KANK1: variants seen among roughly 807,000 people sequenced by gnomAD.
KANK1 encodes the protein KN motif and ankyrin repeat domain-containing protein 1.
Under a neutral mutation model 106.2 loss-of-function variants are expected in KANK1, and 109 were observed. That is an observed-to-expected ratio of 1.03 (90% confidence interval 0.88 to 1.20). The LOEUF is 1.20. Among genes scored for constraint, KANK1 ranks in the 50% most tolerant of loss-of-function variants. The pLI is 0.00. For synonymous variants in KANK1, 873 were observed against 652.2 expected, an observed-to-expected ratio of 1.34 and a Z score of -5.16; for missense variants, 2,399 against 1,710.7, an observed-to-expected ratio of 1.40 and a Z score of -7.10.
At chr9:526,644 A>C (rs2059805425) in intron 1 of KANK1, among the ~76,000 whole-genome samples, 1 of 151,858 alleles carries the variant, frequency 6.6e-6, no homozygotes, top group Non-Finnish European at 1.5e-5. Flanking sequence ...GTTGTTCTAC[A>C]AAACCGTCCA....
chr9:538,152 T>G (rs955001993), intron 1 of KANK1, among the ~76,000 whole-genome samples: 2 of 151,290 alleles, frequency 1.3e-5, no homozygotes, highest in African/African-American at 4.9e-5. Context: ...GCTCTGGACT[T>G]CTCTCAGCCC....
intron 1 of KANK1, chr9:540,369 A>G (rs990809047): frequency 1.3e-5 from 2 of 152,226 alleles, no homozygotes; most frequent in Non-Finnish European, 2.9e-5. Context: ...CCATCTTTGC[A>G]TCCCAGGGAT....
At chr9:537,485 T>A (rs1429399066) in intron 1 of KANK1, among the ~76,000 whole-genome samples, 1 of 152,230 alleles carries the variant, frequency 6.6e-6, no homozygotes, top group Non-Finnish European at 1.5e-5. Context: ...GTGTTGCTAA[T>A]GTCTTTGATA....
chr9:736,913 G>A (rs903039447), intron 7 of KANK1, among the ~76,000 whole-genome samples: 1 of 152,090 alleles, frequency 6.6e-6, no homozygotes, highest in Non-Finnish European at 1.5e-5. Flanking sequence ...TTCTTTCACT[G>A]TTCTCAAAAT....
Position 711,324 on chromosome 9 carries a change from T to C in KANK1, c.558T>C (p.Ser186=). 1 of 1,614,082 alleles carries C rather than the reference T, an allele frequency of 6.2e-7. No individual in the cohort carries two copies. Among genetic ancestry groups the C allele is most frequent in the East Asian group, 2.2e-5 (1 of 44,874 alleles). ...PGEFRRPRLA[S]FGGMGTTSSL... ...AGTTCAGAAGGCCCAGGCTGGCCAG[T>C]TTTGGAGGCATGGGCACCACAAGCT... The change falls in exon 3 of 12, where the codon AGT becomes AGC. Residue 186 remains serine (S), a synonymous_variant. Transcript: ENST00000382297.
intron 3 of KANK1, among the ~76,000 whole-genome samples, chr9:718,298 C>CT (rs60145502): frequency 0.018 from 1,369 of 74,120 alleles, 134 homozygotes; most frequent in African/African-American, 0.062. Context: ...CTTGCTGTGT[C>CT]TTTTTTTTTT....
intron 9 of KANK1, 89 bp from the exon 10 acceptor site, chr9:742,116 C>A: frequency 8.9e-7 from 1 of 1,124,220 alleles, no homozygotes; most frequent in Non-Finnish European, 1.3e-6. Flanking sequence ...TCACCACACT[C>A]TTCCCCCTTT....
intron 1 of KANK1, among the ~76,000 whole-genome samples, chr9:635,395 T>C (rs1229057974): frequency 2.0e-5 from 3 of 152,176 alleles, no homozygotes. Context: ...CTTTGGGGCA[T>C]GCCTGCGCTG....
intron 1 of KANK1, among the ~76,000 whole-genome samples, chr9:568,520 C>T (rs1449757127): frequency 6.6e-6 from 1 of 152,098 alleles, no homozygotes; most frequent in Non-Finnish European, 1.5e-5. Flanking sequence ...GCATGATCGT[C>T]ACTCTGTTGC....
At chr9:512,544 C>T (rs1224582380) in intron 1 of KANK1, among the ~76,000 whole-genome samples, 1 of 152,060 alleles carries the variant, frequency 6.6e-6, no homozygotes, top group African/African-American at 2.4e-5. Flanking sequence ...TCCTCCAAGT[C>T]AACACATAAA....
At chr9:609,707 T>C (rs1333983822) in intron 1 of KANK1, among the ~76,000 whole-genome samples, 1 of 152,180 alleles carries the variant, frequency 6.6e-6, no homozygotes, top group Non-Finnish European at 1.5e-5. Flanking sequence ...TGCCTTTTAA[T>C]CTATTGGTAC....
At chr9:724,115 T>C (rs886787277) in intron 3 of KANK1, among the ~76,000 whole-genome samples, 1 of 151,942 alleles carries the variant, frequency 6.6e-6, no homozygotes, top group African/African-American at 2.4e-5. Flanking sequence ...AAAAAGACTA[T>C]TGGAGAAATT....
At chr9:709,728 G>C (rs1393585183) in intron 2 of KANK1, among the ~76,000 whole-genome samples, 3 of 151,124 alleles carry the variant, frequency 2.0e-5, no homozygotes, top group Non-Finnish European at 4.4e-5. Flanking sequence ...CAATTCTCCT[G>C]CCTCAGCCTC....
At chr9:527,873 G>T (rs1587525838) in intron 1 of KANK1, among the ~76,000 whole-genome samples, 1 of 149,236 alleles carries the variant, frequency 6.7e-6, no homozygotes, top group African/African-American at 2.5e-5. Context: ...TAGGGGCGGG[G>T]CGCGATGGCT....
rs1041843426 is a variant in KANK1 at position 729,212 on chromosome 9, G to A, written c.2699-839G>A. Reference sequence around the variant, plus strand: ...ACTCTAGTAGATTTGTTAAGAGAAAGTTGATCAGAACTGTTTGATGCCCTC... The same window carrying A: ...ACTCTAGTAGATTTGTTAAGAGAAAATTGATCAGAACTGTTTGATGCCCTC... On this transcript the variant is annotated intron_variant, in intron 3 of 11. Coordinates refer to ENST00000382297, the MANE Select transcript of KANK1 (RefSeq NM_015158.5). Among the ~76,000 whole-genome samples, 3 of 152,314 alleles carry A rather than the reference G, an allele frequency of 2.0e-5. No individual in the cohort carries two copies. In the South Asian group the frequency reaches 6.2e-4, roughly 32 times the overall value.
At chr9:684,723 C>A in intron 2 of KANK1, 1 of 307,516 alleles carries the variant, frequency 3.3e-6, no homozygotes, top group Non-Finnish European at 4.8e-6. Context: ...TTCAGTTCAT[C>A]TCCTTTGTGC....
At chr9:507,312 G>A (rs1309571779) in intron 1 of KANK1, among the ~76,000 whole-genome samples, 1 of 151,784 alleles carries the variant, frequency 6.6e-6, no homozygotes, top group African/African-American at 2.4e-5. Context: ...CTATGATCAT[G>A]CCACTGCACT....
chr9:585,735 C>T lies in KANK1; in HGVS notation c.-84+80981C>T, dbSNP rs1054045455. Among the ~76,000 whole-genome samples, 7 of 152,082 alleles carry T rather than the reference C, an allele frequency of 4.6e-5. No individual in the cohort carries two copies. The East Asian group carries it at 7.7e-4, about 17-fold the overall frequency. ...GCATTGCTGGGGCTTCGGATTCAAA[C>T]TGGGCCTTGAAAGAGGGGGTAAGAA... On this transcript the variant is annotated intron_variant, in intron 1 of 11. Coordinates refer to ENST00000382297, the MANE Select transcript of KANK1 (RefSeq NM_015158.5).
chr9:742,119 C>T lies in KANK1; in HGVS notation c.3697-86C>T, dbSNP rs78149639. On this transcript the variant is annotated intron_variant, in intron 9 of 11. Transcript: ENST00000382297. ...CTTTCCCTTCTGTCACCACACTCTT[C>T]CCCCTTTCCCTAGCACAGCCCCACT... 1,986 of 1,138,254 alleles carry T rather than the reference C, an allele frequency of 1.7e-3. 27 individuals are homozygous for T. In the African/African-American group the frequency reaches 0.025, roughly 14 times the overall value. The allele number at this position is 1,138,254 out of a possible 1,614,324, so 70.5% of individuals were successfully genotyped here. A position where few individuals can be genotyped will look rare whatever the true frequency, so the allele number is the denominator to read the frequency against.
Sources: allele counts gnomAD v4.1 joint callset (sites outside exome capture counted in the v4.1 genomes callset), GRCh38; gene constraint gnomAD v4.1.1; transcripts MANE v1.5; gene names NCBI Gene and HGNC (gene_info 2026-07-23, HGNC 2026-07-21).